Variants in LRIG2 observed in about 807,000 individuals in gnomAD.
LRIG2 encodes the protein leucine-rich repeats and immunoglobulin-like domains protein 2.
Under a neutral mutation model 107.8 loss-of-function variants are expected in LRIG2, and 93 were observed. The ratio of observed to expected loss-of-function variants is 0.86; its 90% CI spans 0.73 to 1.03. The LOEUF (loss-of-function observed/expected upper bound fraction) is 1.03. Ranked by LOEUF, LRIG2 falls within the 50% of genes least tolerant of loss-of-function variation. The pLI is 0.00. For missense variants in LRIG2, 1,226 were observed against 1,296.0 expected, an observed-to-expected ratio of 0.95 and a Z score of 0.83; for synonymous variants, 471 against 470.6, an observed-to-expected ratio of 1.00 and a Z score of -0.01.
chr1:113,103,402 T>A (rs964897917), intron 11 of LRIG2: 1 of 152,114 alleles, frequency 6.6e-6, no homozygotes, highest in Non-Finnish European at 1.5e-5. Flanking sequence ...ATCCACTGAG[T>A]GGGATGAAAG....
At chr1:113,099,909 G>A (rs746216702) in intron 9 of LRIG2, among the ~76,000 whole-genome samples, 13 of 152,178 alleles carry the variant, frequency 8.5e-5, no homozygotes, top group Non-Finnish European at 1.6e-4. Flanking sequence ...AAAATTACCA[G>A]TTTATCAGTG....
rs945429978 is a variant in LRIG2 at position 113,120,544 on chromosome 1, C to T, written c.2971+1021C>T. Among the ~76,000 whole-genome samples the T allele has an allele frequency of 2.2e-5, 3 of 138,398 alleles. No individual in the cohort carries two copies. In the East Asian group the frequency reaches 6.4e-4, roughly 30 times the overall value. 90.8% of individuals were successfully genotyped at this position (138,398 alleles called of 152,430 possible). A position where few individuals can be genotyped will look rare whatever the true frequency, so the allele number is the denominator to read the frequency against. On this transcript the variant is annotated intron_variant, in intron 17 of 17. Transcript: ENST00000361127. ...TTTTTTTGGGAAATGGAGGTTCGCT[C>T]TTGTTTCCCAAGCTGGAGTGCAATG...
intron 2 of LRIG2, 41 bp from the exon 3 acceptor site, chr1:113,093,165 T>C: frequency 7.9e-7 from 1 of 1,262,752 alleles, no homozygotes; most frequent in Non-Finnish European, 1.1e-6. Flanking sequence ...AGGTAATATT[T>C]CCCTCACTAA....
At chr1:113,115,870 G>A (rs1218776080) in intron 15 of LRIG2, among the ~76,000 whole-genome samples, 2 of 152,184 alleles carry the variant, frequency 1.3e-5, no homozygotes, top group Non-Finnish European at 2.9e-5. Flanking sequence ...TCTTTTTAAT[G>A]TCTAAGGCTC....
At chr1:113,099,438 CTA>C (rs1041213120) in intron 9 of LRIG2, among the ~76,000 whole-genome samples, 32 of 151,550 alleles carry the variant, frequency 2.1e-4, no homozygotes, top group Middle Eastern at 3.4e-3. Flanking sequence ...CAGAGTCTCA[CTA>C]TATTGCCCAG....
At chr1:113,106,646 A>G (rs1366558485) in intron 11 of LRIG2, among the ~76,000 whole-genome samples, 1 of 152,016 alleles carries the variant, frequency 6.6e-6, no homozygotes, top group Non-Finnish European at 1.5e-5. Flanking sequence ...CTGGGATTAT[A>G]GGTGCCATCC....
intron 17 of LRIG2, among the ~76,000 whole-genome samples, chr1:113,122,829 A>G (rs1655323164): frequency 6.6e-6 from 1 of 152,184 alleles, no homozygotes; most frequent in Non-Finnish European, 1.5e-5. Flanking sequence ...TCCTCAAGTT[A>G]TTTGTGTGCA....
intron 1 of LRIG2, among the ~76,000 whole-genome samples, chr1:113,080,803 CAAAG>C (rs1223329904): frequency 7.2e-6 from 1 of 139,712 alleles, no homozygotes; most frequent in Non-Finnish European, 1.6e-5. Context: ...TCTTTTTAAA[CAAAG>C]AAAAATTCTA....
chr1:113,106,235 A>G (rs552874403), intron 11 of LRIG2, among the ~76,000 whole-genome samples: 7 of 152,188 alleles, frequency 4.6e-5, no homozygotes, highest in African/African-American at 1.4e-4. Flanking sequence ...CTCAAAAAAA[A>G]AAAAAGAGTT....
At chr1:113,081,756 G>A (rs1050611721) in intron 1 of LRIG2, among the ~76,000 whole-genome samples, 1 of 152,162 alleles carries the variant, frequency 6.6e-6, no homozygotes, top group South Asian at 2.1e-4. Flanking sequence ...CCTGACCTCA[G>A]GTGATCCGCC....
intron 8 of LRIG2, among the ~76,000 whole-genome samples, chr1:113,097,848 G>C (rs1654133019): frequency 6.6e-6 from 1 of 152,188 alleles, no homozygotes; most frequent in Non-Finnish European, 1.5e-5. Flanking sequence ...ATCCTGAAGA[G>C]TTGAGCCATT....
chr1:113,112,896 C>T, intron 14 of LRIG2, 136 bp downstream of exon 14: 3 of 901,640 alleles, frequency 3.3e-6, no homozygotes, highest in South Asian at 2.3e-5. Flanking sequence ...CAATTTTATG[C>T]AAGGTTATGT....
chr1:113,096,697 C>A (rs1276768237), intron 8 of LRIG2, among the ~76,000 whole-genome samples: 1 of 152,172 alleles, frequency 6.6e-6, no homozygotes, highest in African/African-American at 2.4e-5. Context: ...TGACAATACA[C>A]CAGAGCTACT....
intron 1 of LRIG2, among the ~76,000 whole-genome samples, chr1:113,083,399 G>A (rs1489414712): frequency 7.2e-6 from 1 of 139,192 alleles, no homozygotes; most frequent in Non-Finnish European, 1.5e-5. Flanking sequence ...AGGCTTGAGT[G>A]TAGTGGTGCC....
In LRIG2 at chr1:113,110,470, A is replaced by G; in HGVS notation, c.1706A>G (p.Asn569Ser). The change falls in exon 13 of 18, where the codon AAT (asparagine) becomes AGT (serine). Residue 569 changes from asparagine (N) to serine (S), a missense_variant. By Grantham distance (46) the Asn-to-Ser change is conservative. Coordinates refer to ENST00000361127, the MANE Select transcript of LRIG2 (RefSeq NM_014813.3). Reference protein sequence around the residue: ...LEYTSILHLFNVNFTDEGKYQ... With the variant: ...LEYTSILHLFSVNFTDEGKYQ... ...TATACTAGTATCTTACATCTTTTCA[A>G]TGTGAATTTCACAGATGAAGGAAAA... 6.2e-7 allele frequency: 1 copy of G among 1,613,826 alleles called. No homozygotes were observed. The highest frequency in any genetic ancestry group is 1.1e-5 in the South Asian group (1 of 91,074).
chr1:113,074,173 G>T (rs1253313484), intron 1 of LRIG2, among the ~76,000 whole-genome samples: 2 of 152,060 alleles, frequency 1.3e-5, no homozygotes, highest in Non-Finnish European at 2.9e-5. Flanking sequence ...TACTTAACAG[G>T]GTTGAAAAGT....
At position 113,078,196 on chromosome 1, in the gene LRIG2, A is replaced by G. The variant is rs537519477; in HGVS notation, c.239+4551A>G. ...TTGTGAATAGTGCCACAGTAAACAT[A>G]TGTGTGCATGTGTCTTTATGTTTTC... On this transcript the variant is annotated intron_variant, in intron 1 of 17. Coordinates refer to ENST00000361127, the MANE Select transcript of LRIG2 (RefSeq NM_014813.3). Among the ~76,000 whole-genome samples, 5 of 151,022 alleles carry G rather than the reference A, an allele frequency of 3.3e-5. No individual in the cohort carries two copies. In the East Asian group the frequency reaches 9.7e-4, roughly 29 times the overall value.
Position 113,114,853 on chromosome 1 carries a change from A to G in LRIG2, c.2507A>G (p.Glu836Gly), listed in dbSNP as rs957186141. ...ATTTACCACATGAGAAGGAAAAATG[A>G]AGACTATAGTATCACAAACACAGGT... ...IVIYHMRRKN[E>G]DYSITNTEEL... Residue 836 changes from glutamate to glycine, a missense_variant, in exon 15 of 18, where the codon GAA becomes GGA. Glu to Gly is a moderately conservative substitution (Grantham distance 98). Coordinates refer to ENST00000361127, the MANE Select transcript of LRIG2 (RefSeq NM_014813.3). 1 of 1,611,344 alleles carries G rather than the reference A, an allele frequency of 6.2e-7. No individual in the cohort carries two copies. The highest frequency in any genetic ancestry group is 8.5e-7 in the Non-Finnish European group (1 of 1,179,708).
intron 1 of LRIG2, among the ~76,000 whole-genome samples, chr1:113,079,930 A>G (rs2101015963): frequency 6.7e-6 from 1 of 150,196 alleles, no homozygotes; most frequent in Non-Finnish European, 1.5e-5. Context: ...GGGCTTCACC[A>G]TGTTGGCCAG....
Sources: gnomAD v4.1 joint callset for allele counts (sites outside exome capture counted in the v4.1 genomes callset) on GRCh38, gnomAD v4.1.1 for gene constraint, MANE v1.5 for transcripts, NCBI Gene and HGNC (gene_info 2026-07-23, HGNC 2026-07-21) for gene names.